Variants in DOCK11 observed in about 807,000 individuals in gnomAD.
DOCK11 encodes dedicator of cytokinesis protein 11.
Under a neutral mutation model 169.1 loss-of-function variants are expected in DOCK11, and 70 were observed. The observed-to-expected ratio is 0.41, with a 90% CI of 0.34 to 0.51. The LOEUF is 0.51. Among genes scored for constraint, DOCK11 ranks in the 20% least tolerant of loss-of-function variants. DOCK11 has a pLI of 0.10. For missense variants in DOCK11, 1,166 were observed against 1,538.8 expected (o/e 0.76, Z 4.05); for synonymous variants, 529 against 541.3 (o/e 0.98, Z 0.32).
chrX:118,653,544 C>T (rs898190682), intron 42 of DOCK11, among the ~76,000 whole-genome samples: 9 of 110,912 alleles, frequency 8.1e-5, no homozygotes, highest in African/African-American at 3.0e-4. Flanking sequence ...TCCCGAGTAG[C>T]TGGGATTACA....
At chrX:118,634,698 G>A (rs1431462408) in intron 35 of DOCK11, among the ~76,000 whole-genome samples, 5 of 112,296 alleles carry the variant, frequency 4.5e-5, no homozygotes, top group African/African-American at 1.3e-4. Context: ...AGGCGAAAGC[G>A]GAAGTCACTG....
At chrX:118,626,072 T>C (rs2015095040) in intron 32 of DOCK11, among the ~76,000 whole-genome samples, 1 of 106,546 alleles carries the variant, frequency 9.4e-6, no homozygotes, top group African/African-American at 3.4e-5. Flanking sequence ...TTACTTTTTT[T>C]TTTTTTTTTT....
chrX:118,610,167 C>A, intron 27 of DOCK11, 105 bp from the exon 28 acceptor site: 1 of 787,745 alleles, frequency 1.3e-6, no homozygotes, highest in Non-Finnish European at 1.9e-6. Context: ...AATTATACAT[C>A]AGTTTTAAGA....
At chrX:118,647,946 T>C (rs1459300982) in intron 40 of DOCK11, among the ~76,000 whole-genome samples, 1 of 51,636 alleles carries the variant, frequency 1.9e-5, no homozygotes, top group African/African-American at 8.4e-5. Context: ...TATTTTATAA[T>C]ATATAATAAT....
Position 118,588,198 on chromosome X carries a change from T to G in DOCK11, c.1857T>G (p.Thr619=), listed in dbSNP as rs1489547735. ...TTGAAAAGAATTGCCAAAATATTAC[T>G]GTGGAGGTTGAAGAGTTTGTTCCAG... The part of the protein sequence containing the change: ...KPFEKNCQNI[T]VEVEEFVPEM... Residue 619 remains threonine (T), a synonymous_variant, in exon 17 of 53, where the codon ACT becomes ACG. Transcript: ENST00000276202. The G allele has an allele frequency of 8.3e-7, 1 of 1,204,903 alleles. No individual in the cohort carries two copies. Among genetic ancestry groups the G allele is most frequent in the South Asian group, 1.8e-5 (1 of 55,294 alleles).
chrX:118,576,383 G>C (rs1263606506), intron 12 of DOCK11, among the ~76,000 whole-genome samples: 2 of 111,791 alleles, frequency 1.8e-5, no homozygotes, highest in Non-Finnish European at 3.8e-5. Context: ...TGGGATTTCT[G>C]GGTTCTCTCT....
chrX:118,626,728 G>A (rs1341421189), intron 32 of DOCK11, among the ~76,000 whole-genome samples: 1 of 112,074 alleles, frequency 8.9e-6, no homozygotes, highest in Admixed American at 9.5e-5. Flanking sequence ...GGCTGAATGT[G>A]GATACTACAC....
intron 38 of DOCK11, among the ~76,000 whole-genome samples, chrX:118,640,571 G>C (rs192308155): frequency 1.8e-5 from 2 of 112,092 alleles, no homozygotes; most frequent in African/African-American, 6.5e-5. Flanking sequence ...TTTCTATTTA[G>C]TGGTTTCTCA....
intron 1 of DOCK11, chrX:118,538,604 T>C (rs2011842578): frequency 1.8e-6 from 1 of 559,924 alleles, no homozygotes; most frequent in Admixed American, 9.0e-5. Flanking sequence ...CTGAAACATA[T>C]GCTCACTTCT....
chrX:118,516,795 G>T (rs1176528410), intron 1 of DOCK11, among the ~76,000 whole-genome samples: 1 of 111,734 alleles, frequency 8.9e-6, no homozygotes, highest in Non-Finnish European at 1.9e-5. Context: ...TGCAAAGTAT[G>T]ATCCTATTTT....
At chrX:118,600,044 CCT>C (rs1017301673) in intron 23 of DOCK11, among the ~76,000 whole-genome samples, 1 of 111,631 alleles carries the variant, frequency 9.0e-6, no homozygotes, top group Non-Finnish European at 1.9e-5. Flanking sequence ...CTTCTCTGAG[CCT>C]TTGTTTCTTC....
chrX:118,582,501 C>T (rs1467631593), intron 14 of DOCK11, among the ~76,000 whole-genome samples: 2 of 111,372 alleles, frequency 1.8e-5, no homozygotes, highest in Non-Finnish European at 3.8e-5. Context: ...TTTTTTTCCT[C>T]CTGAATTGTT....
At chrX:118,569,231 T>C (rs555461526) in intron 10 of DOCK11, among the ~76,000 whole-genome samples, 67 of 108,155 alleles carry the variant, frequency 6.2e-4, no homozygotes, top group African/African-American at 2.0e-3. Context: ...TAGCTGGGAT[T>C]ACAGGCATGC....
intron 1 of DOCK11, among the ~76,000 whole-genome samples, chrX:118,511,826 C>T (rs1277336566): frequency 1.8e-5 from 2 of 112,069 alleles, no homozygotes; most frequent in African/African-American, 6.5e-5. Context: ...AGACAGATAC[C>T]GTCGTTCAGT....
At chrX:118,549,721 TTTTG>T (rs199862662) in intron 6 of DOCK11, among the ~76,000 whole-genome samples, 14,475 of 108,087 alleles carry the variant, frequency 0.13, 2,608 homozygotes, top group African/African-American at 0.46. Context: ...GCCCAGCTAA[TTTTG>T]TTTGTTTGTT....
chrX:118,499,039 A>G (rs1182404566), intron 1 of DOCK11, among the ~76,000 whole-genome samples: 1 of 112,394 alleles, frequency 8.9e-6, no homozygotes, highest in East Asian at 2.8e-4. Flanking sequence ...GAAAGGGATA[A>G]TTACAGAATC....
chrX:118,645,173 C>T (rs1481998732), intron 40 of DOCK11, among the ~76,000 whole-genome samples: 1 of 111,267 alleles, frequency 9.0e-6, no homozygotes, highest in African/African-American at 3.3e-5. Flanking sequence ...GCCTTTGGGA[C>T]ATTAGGATAT....
intron 1 of DOCK11, among the ~76,000 whole-genome samples, chrX:118,541,048 G>A (rs957948277): frequency 9.0e-6 from 1 of 111,059 alleles, no homozygotes; most frequent in Non-Finnish European, 1.9e-5. Context: ...CGTGTGCCAG[G>A]TATTCTAAGT....
rs764434141 is a variant in DOCK11, at chrX:118,566,017, C to T, written c.706C>T (p.Arg236Cys). 1.2e-5 allele frequency: 15 copies of T among 1,208,482 alleles called. 1 individual carries two copies. The highest frequency in any genetic ancestry group is 5.9e-5 in the East Asian group (2 of 33,763). ...TTCTCCCCTCTAGTGCCCCAAAATGCGCCGTCATGCTTTTGAACTCAAGAT... is the reference window on the plus strand; with the variant it reads ...TTCTCCCCTCTAGTGCCCCAAAATGTGCCGTCATGCTTTTGAACTCAAGAT... ...CIDVVQCPKM[R>C]RHAFELKMLD... The change falls in exon 8 of 53, where the codon CGC (arginine) becomes TGC (cysteine). Residue 236 changes from arginine (R) to cysteine (C), a missense_variant. Arg to Cys is a radical substitution (Grantham distance 180, BLOSUM62 -3). Coordinates refer to ENST00000276202, the MANE Select transcript of DOCK11 (RefSeq NM_144658.4).
Sources: allele counts gnomAD v4.1 joint callset (sites outside exome capture counted in the v4.1 genomes callset), GRCh38; gene constraint gnomAD v4.1.1; transcripts MANE v1.5; gene names NCBI Gene and HGNC (gene_info 2026-07-23, HGNC 2026-07-21).